The following PTPRD variants were observed in gnomAD, a reference collection of about 807,000 sequenced individuals.
PTPRD encodes protein tyrosine phosphatase receptor type D.
A neutral mutation model predicts 214.5 loss-of-function variants in PTPRD; 34 were observed. The ratio of observed to expected loss-of-function variants is 0.16; its 90% CI spans 0.12 to 0.21. The LOEUF (loss-of-function observed/expected upper bound fraction) is 0.21. Among genes scored for constraint, PTPRD ranks in the 10% least tolerant of loss-of-function variants. The pLI is 1.00. For missense variants in PTPRD, 2,545 were observed against 2,398.7 expected, an observed-to-expected ratio of 1.06 and a Z score of -1.27; for synonymous variants, 1,128 against 845.7, an observed-to-expected ratio of 1.33 and a Z score of -5.79.
At chr9:9,244,968 T>G (rs984666540) in intron 9 of PTPRD, among the ~76,000 whole-genome samples, 1 of 151,960 alleles carries the variant, frequency 6.6e-6, no homozygotes, top group Non-Finnish European at 1.5e-5. Context: ...CATCAAAAAG[T>G]GAGTGAAGGA....
At chr9:10,516,222 T>C (rs2050053714) in intron 2 of PTPRD, among the ~76,000 whole-genome samples, 1 of 151,882 alleles carries the variant, frequency 6.6e-6, no homozygotes, top group African/African-American at 2.4e-5. Context: ...TTTTTCTATA[T>C]CCTGATCAAC....
rs147558816 is a variant in PTPRD at position 9,828,523 on chromosome 9, G to T, written c.-367-61672C>A. Among the ~76,000 whole-genome samples, 1,093 of 152,124 alleles carry T rather than the reference G, an allele frequency of 7.2e-3. 13 individuals carry two copies. Among genetic ancestry groups the T allele is most frequent in the African/African-American group, 0.021 (880 of 41,524 alleles). On this transcript the variant is annotated intron_variant, in intron 5 of 45. Transcript: ENST00000381196. ...TTGTGAGGTGTGGGGAGAGGGGAGG[G>T]ATAGCATTAGGAGATATACTTAATG...
At chr9:9,121,893 T>C (rs2099817983) in intron 10 of PTPRD, among the ~76,000 whole-genome samples, 2 of 152,218 alleles carry the variant, frequency 1.3e-5, no homozygotes, top group Admixed American at 1.3e-4. Context: ...GCTCATGTTC[T>C]GAACAATATT....
At chr9:10,083,338 C>T (rs2098273934) in intron 3 of PTPRD, among the ~76,000 whole-genome samples, 1 of 151,932 alleles carries the variant, frequency 6.6e-6, no homozygotes, top group Non-Finnish European at 1.5e-5. Context: ...CTTAAGCATT[C>T]TCAATGCCTA....
At chr9:8,581,399 T>C (rs1221108490) in intron 14 of PTPRD, among the ~76,000 whole-genome samples, 2 of 152,138 alleles carry the variant, frequency 1.3e-5, no homozygotes, top group Non-Finnish European at 2.9e-5. Flanking sequence ...AAACTTCCAG[T>C]GAGTCTGATC....
At chr9:9,049,972 G>A (rs1401441737) in intron 10 of PTPRD, among the ~76,000 whole-genome samples, 1 of 152,180 alleles carries the variant, frequency 6.6e-6, no homozygotes, top group East Asian at 1.9e-4. Flanking sequence ...GAGGTAGCAA[G>A]GTGTGGTGTG....
chr9:8,715,686 G>C (rs1354820655), intron 12 of PTPRD, among the ~76,000 whole-genome samples: 1 of 152,132 alleles, frequency 6.6e-6, no homozygotes, highest in African/African-American at 2.4e-5. Context: ...ATTCCTCAGG[G>C]CCTCTTAACA....
chr9:8,694,863 T>G (rs1055498093), intron 12 of PTPRD, among the ~76,000 whole-genome samples: 30 of 152,222 alleles, frequency 2.0e-4, no homozygotes, highest in African/African-American at 7.2e-4. Flanking sequence ...CCCCATGGCT[T>G]GGAACTGTAA....
chr9:8,923,472 A>C (rs949298705), intron 11 of PTPRD, among the ~76,000 whole-genome samples: 1 of 152,064 alleles, frequency 6.6e-6, no homozygotes, highest in African/African-American at 2.4e-5. Flanking sequence ...CCGTGGTCCA[A>C]ACAGAAAATA....
chr9:9,249,958 A>C (rs2099974785), intron 9 of PTPRD, among the ~76,000 whole-genome samples: 1 of 152,214 alleles, frequency 6.6e-6, no homozygotes, highest in Non-Finnish European at 1.5e-5. Flanking sequence ...ATTGGGAGAA[A>C]AGTGTTATTT....
intron 11 of PTPRD, among the ~76,000 whole-genome samples, chr9:8,926,597 G>A (rs942378403): frequency 7.2e-5 from 11 of 152,132 alleles, no homozygotes; most frequent in Non-Finnish European, 1.3e-4. Flanking sequence ...GTCTGGAAAG[G>A]CTGGGACTGT....
chr9:8,737,944 C>CGGCTCT (rs60101037), intron 11 of PTPRD, among the ~76,000 whole-genome samples: 73,555 of 151,424 alleles, frequency 0.49, 18,549 homozygotes, highest in South Asian at 0.62. Context: ...CCACTGCACC[C>CGGCTCT]GGCTCTCTGT....
At chr9:10,083,071 T>G (rs1010626552) in intron 3 of PTPRD, among the ~76,000 whole-genome samples, 1 of 151,718 alleles carries the variant, frequency 6.6e-6, no homozygotes, top group Non-Finnish European at 1.5e-5. Context: ...ATATCTATAA[T>G]GCATTTTTCC....
intron 14 of PTPRD, among the ~76,000 whole-genome samples, chr9:8,599,443 G>A (rs567231778): frequency 6.6e-6 from 1 of 152,172 alleles, no homozygotes; most frequent in African/African-American, 2.4e-5. Flanking sequence ...AACATCTTGT[G>A]TTTGCAAAAC....
chr9:8,563,621 G>C (rs188598103), intron 14 of PTPRD, among the ~76,000 whole-genome samples: 1 of 151,848 alleles, frequency 6.6e-6, no homozygotes, highest in Admixed American at 6.6e-5. Flanking sequence ...ATTTTTAGTA[G>C]AGATGGGGTT....
At chr9:9,032,721 G>A (rs1265721589) in intron 10 of PTPRD, among the ~76,000 whole-genome samples, 1 of 152,068 alleles carries the variant, frequency 6.6e-6, no homozygotes, top group Non-Finnish European at 1.5e-5. Context: ...TCCCGGCTCT[G>A]GCCCTCACCA....
chr9:10,515,477 T>C (rs1486129088), intron 2 of PTPRD, among the ~76,000 whole-genome samples: 1 of 152,050 alleles, frequency 6.6e-6, no homozygotes, highest in Non-Finnish European at 1.5e-5. Flanking sequence ...ATAGGAGCTA[T>C]GATCTTATGA....
intron 6 of PTPRD, among the ~76,000 whole-genome samples, chr9:9,752,927 G>A (rs1441678072): frequency 1.3e-5 from 2 of 151,968 alleles, no homozygotes; most frequent in African/African-American, 4.8e-5. Flanking sequence ...CACTGGAATG[G>A]CTGAACTTTG....
At chr9:9,935,090 T>G (rs1199022171) in intron 5 of PTPRD, among the ~76,000 whole-genome samples, 3 of 151,970 alleles carry the variant, frequency 2.0e-5, no homozygotes, top group Non-Finnish European at 4.4e-5. Flanking sequence ...TAATAAGAGC[T>G]CTCTATGACA....
Sources: gnomAD v4.1 joint callset for allele counts (sites outside exome capture counted in the v4.1 genomes callset) on GRCh38, gnomAD v4.1.1 for gene constraint, MANE v1.5 for transcripts, NCBI Gene and HGNC (gene_info 2026-07-23, HGNC 2026-07-21) for gene names.